The following ENTREP2 variants were observed in gnomAD, a reference collection of about 807,000 sequenced individuals.
ENTREP2 encodes protein ENTREP2.
the ENTREP2 span, among the ~76,000 whole-genome samples, chr15:29,310,454 G>A: frequency 6.6e-6 from 1 of 152,320 alleles, no homozygotes; most frequent in East Asian, 1.9e-4. Flanking sequence ...TCAGAGGGAA[G>A]AGCAAGAACC....
At chr15:29,646,489 C>T in the ENTREP2 span, among the ~76,000 whole-genome samples, 5 of 152,286 alleles carry the variant, frequency 3.3e-5, no homozygotes, top group South Asian at 1.0e-3. Context: ...TGTCTTCAAA[C>T]CAGTGATGGC....
At chr15:29,343,546 T>A in the ENTREP2 span, among the ~76,000 whole-genome samples, 1 of 151,018 alleles carries the variant, frequency 6.6e-6, no homozygotes, top group Non-Finnish European at 1.5e-5. Flanking sequence ...ATCAGGTGAG[T>A]CCATTCCTTT....
chr15:29,674,031 G>A, the ENTREP2 span, among the ~76,000 whole-genome samples: 1 of 151,536 alleles, frequency 6.6e-6, no homozygotes, highest in Admixed American at 6.6e-5. Flanking sequence ...CATTTCTCTA[G>A]TGGATCAGGT....
the ENTREP2 span, among the ~76,000 whole-genome samples, chr15:29,222,578 C>T: frequency 1.2e-4 from 19 of 152,282 alleles, 1 homozygote; most frequent in East Asian, 1.2e-3. Flanking sequence ...GAGTGGACCA[C>T]GTTTTCCTCC....
the ENTREP2 span, among the ~76,000 whole-genome samples, chr15:29,506,513 G>A: frequency 6.6e-6 from 1 of 152,164 alleles, no homozygotes; most frequent in Non-Finnish European, 1.5e-5. Flanking sequence ...AGAGAGAAAG[G>A]TCGAGTTACC....
chr15:29,280,956 T>G, the ENTREP2 span, among the ~76,000 whole-genome samples: 3 of 152,154 alleles, frequency 2.0e-5, no homozygotes, highest in Admixed American at 6.5e-5. Context: ...AATTAACTGC[T>G]TCCTAGGATT....
At chr15:29,617,212 C>A in the ENTREP2 span, among the ~76,000 whole-genome samples, 1 of 152,154 alleles carries the variant, frequency 6.6e-6, no homozygotes, top group Non-Finnish European at 1.5e-5. Context: ...GCCCAAAGGC[C>A]AGAGAACCTG....
At chr15:29,235,542 C>T in the ENTREP2 span, among the ~76,000 whole-genome samples, 1 of 152,124 alleles carries the variant, frequency 6.6e-6, no homozygotes, top group Admixed American at 6.5e-5. Context: ...TGAATGGACA[C>T]AAAACATATC....
At chr15:29,432,041 G>A in the ENTREP2 span, among the ~76,000 whole-genome samples, 1 of 152,106 alleles carries the variant, frequency 6.6e-6, no homozygotes, top group East Asian at 1.9e-4. Context: ...AATGGCTCTC[G>A]GGCTGTAATA....
At chr15:29,561,571 C>T in the ENTREP2 span, among the ~76,000 whole-genome samples, 1 of 151,986 alleles carries the variant, frequency 6.6e-6, no homozygotes, top group South Asian at 2.1e-4. Flanking sequence ...GCCTATAGTC[C>T]CAGCTACTCG....
the ENTREP2 span, chr15:29,570,855 GCGGCCGCGCGC>G: frequency 4.9e-6 from 1 of 204,466 alleles, no homozygotes; most frequent in South Asian, 1.7e-4. Context: ...CAGGGCTGCG[GCGGCCGCGCGC>G]CGGGAGCGGG....
chr15:29,282,349 G>A, the ENTREP2 span, among the ~76,000 whole-genome samples: 80,616 of 152,042 alleles, frequency 0.53, 23,674 homozygotes, highest in Non-Finnish European at 0.68. Flanking sequence ...CATGACTGTG[G>A]GGCCTCCCCA....
the ENTREP2 span, among the ~76,000 whole-genome samples, chr15:29,221,608 T>C: frequency 6.6e-6 from 1 of 152,228 alleles, no homozygotes; most frequent in African/African-American, 2.4e-5. Context: ...ACGAGAGACA[T>C]GGAATAAGTT....
At chr15:29,128,739 C>T in the ENTREP2 span, 2 of 1,349,782 alleles carry the variant, frequency 1.5e-6, no homozygotes, top group East Asian at 2.5e-5. Flanking sequence ...AAAGAGACAC[C>T]CTTGAAAACA....
the ENTREP2 span, among the ~76,000 whole-genome samples, chr15:29,273,035 T>G: frequency 6.6e-6 from 1 of 152,114 alleles, no homozygotes; most frequent in Admixed American, 6.5e-5. Flanking sequence ...TGTTTAGCTC[T>G]TAGGGAAGAA....
At chr15:29,212,682 G>A in the ENTREP2 span, among the ~76,000 whole-genome samples, 1 of 152,126 alleles carries the variant, frequency 6.6e-6, no homozygotes, top group African/African-American at 2.4e-5. Context: ...TTGACAGTTT[G>A]TGTCATTATT....
chr15:29,441,347 TAC>T, the ENTREP2 span, among the ~76,000 whole-genome samples: 2 of 152,240 alleles, frequency 1.3e-5, no homozygotes, highest in African/African-American at 2.4e-5. Context: ...GGTGACTGGA[TAC>T]AGAGTTTCAG....
At chr15:29,351,879 T>TC in the ENTREP2 span, among the ~76,000 whole-genome samples, 1 of 152,000 alleles carries the variant, frequency 6.6e-6, no homozygotes, top group South Asian at 2.1e-4. Flanking sequence ...TCTCAAGCTA[T>TC]CCTCCTACCT....
At chr15:29,365,505 G>A in the ENTREP2 span, among the ~76,000 whole-genome samples, 7 of 151,818 alleles carry the variant, frequency 4.6e-5, no homozygotes, top group East Asian at 1.9e-4. Context: ...CACCTGCCTC[G>A]GCTCCCAAAG....
Sources: gnomAD v4.1 joint callset for allele counts (sites outside exome capture counted in the v4.1 genomes callset) on GRCh38, gnomAD v4.1.1 for gene constraint, MANE v1.5 for transcripts, NCBI Gene and HGNC (gene_info 2026-07-23, HGNC 2026-07-21) for gene names.